Variants in SH3RF1 observed in about 807,000 individuals in gnomAD.
The protein encoded by SH3RF1 is SH3 domain containing ring finger 1.
Under a neutral mutation model 74.0 loss-of-function variants are expected in SH3RF1, and 32 were observed. The ratio of observed to expected loss-of-function variants is 0.43; its 90% CI spans 0.33 to 0.58. The LOEUF is 0.58. Ranked by LOEUF, SH3RF1 falls within the 20% of genes least tolerant of loss-of-function variation. The pLI is 0.05. For missense variants in SH3RF1, 954 were observed against 1,130.9 expected (o/e 0.84, Z 2.24); for synonymous variants, 396 against 439.6 (o/e 0.90, Z 1.24).
At chr4:169,231,366 G>A (rs1378357362) in intron 2 of SH3RF1, among the ~76,000 whole-genome samples, 3 of 152,144 alleles carry the variant, frequency 2.0e-5, no homozygotes, top group Admixed American at 2.0e-4. Context: ...AGGAGTTCGA[G>A]ACCAGCCTGA....
intron 2 of SH3RF1, among the ~76,000 whole-genome samples, chr4:169,262,965 T>G (rs1731302922): frequency 6.6e-6 from 1 of 152,082 alleles, no homozygotes; most frequent in African/African-American, 2.4e-5. Context: ...AGGTCAAGCA[T>G]GCAACAAACA....
At chr4:169,174,544 A>G (rs1406309246) in intron 2 of SH3RF1, among the ~76,000 whole-genome samples, 1 of 152,246 alleles carries the variant, frequency 6.6e-6, no homozygotes, top group Admixed American at 6.5e-5. Context: ...TCCAGTATCA[A>G]TCTCCTTCCC....
At chr4:169,166,133 T>C (rs553021024) in intron 2 of SH3RF1, 1 of 151,528 alleles carries the variant, frequency 6.6e-6, no homozygotes, top group East Asian at 1.9e-4. Context: ...AAAAGACACA[T>C]GAAGAAAATA....
intron 2 of SH3RF1, among the ~76,000 whole-genome samples, chr4:169,240,658 T>C (rs1348856073): frequency 2.6e-5 from 4 of 152,240 alleles, no homozygotes; most frequent in African/African-American, 9.6e-5. Flanking sequence ...TGTGAAATTA[T>C]ATCAAGTTCA....
At chr4:169,181,876 T>G (rs79695222) in intron 2 of SH3RF1, among the ~76,000 whole-genome samples, 4,597 of 152,330 alleles carry the variant, frequency 0.03, 103 homozygotes, top group Non-Finnish European at 0.043. Context: ...TCCTGCTTTA[T>G]TTCTCTTCAT....
At chr4:169,158,288 C>A (rs1309616004) in intron 2 of SH3RF1, among the ~76,000 whole-genome samples, 1 of 152,112 alleles carries the variant, frequency 6.6e-6, no homozygotes, top group African/African-American at 2.4e-5. Context: ...AATTAGTTGT[C>A]AAGGTTGGAG....
intron 2 of SH3RF1, among the ~76,000 whole-genome samples, chr4:169,258,354 G>C (rs925756115): frequency 6.6e-6 from 1 of 152,174 alleles, no homozygotes; most frequent in Non-Finnish European, 1.5e-5. Context: ...GTCACACTTT[G>C]GGGCCTTTAA....
At chr4:169,130,635 T>C (rs1733603668) in intron 5 of SH3RF1, among the ~76,000 whole-genome samples, 3 of 152,250 alleles carry the variant, frequency 2.0e-5, no homozygotes, top group Admixed American at 6.5e-5. Context: ...TCATGACTTC[T>C]ACCTTTCGGT....
At chr4:169,161,275 ATTTTG>A (rs1055407225) in intron 2 of SH3RF1, among the ~76,000 whole-genome samples, 1 of 152,244 alleles carries the variant, frequency 6.6e-6, no homozygotes, top group African/African-American at 2.4e-5. Flanking sequence ...ATCTAAAAAC[ATTTTG>A]ATAAACATCT....
At chr4:169,113,807 A>T (rs1299341072) in intron 10 of SH3RF1, among the ~76,000 whole-genome samples, 2 of 152,254 alleles carry the variant, frequency 1.3e-5, no homozygotes, top group Non-Finnish European at 2.9e-5. Flanking sequence ...AATAAGGGAA[A>T]ATTTGAAATC....
chr4:169,174,750 G>A (rs572850363), intron 2 of SH3RF1, among the ~76,000 whole-genome samples: 1 of 151,984 alleles, frequency 6.6e-6, no homozygotes, highest in East Asian at 1.9e-4. Context: ...GTTTTCTAAA[G>A]CCCCACCCCA....
At chr4:169,105,738 T>C (rs1182651794) in intron 11 of SH3RF1, among the ~76,000 whole-genome samples, 1 of 152,118 alleles carries the variant, frequency 6.6e-6, no homozygotes, top group African/African-American at 2.4e-5. Flanking sequence ...ACAAAAAAAT[T>C]AGCTGGGAAT....
At chr4:169,224,331 T>G (rs1003744649) in intron 2 of SH3RF1, among the ~76,000 whole-genome samples, 17 of 152,016 alleles carry the variant, frequency 1.1e-4, no homozygotes, top group Non-Finnish European at 2.2e-4. Flanking sequence ...ATTTTTTTTT[T>G]TTTTGAAATG....
chr4:169,225,889 A>AGAGACAT (rs973425200), intron 2 of SH3RF1, among the ~76,000 whole-genome samples: 2 of 152,214 alleles, frequency 1.3e-5, no homozygotes, highest in African/African-American at 4.8e-5. Context: ...AGAGATGAGC[A>AGAGACAT]GAGACATGTT....
At chr4:169,138,874 A>G (rs775294638) in intron 4 of SH3RF1, among the ~76,000 whole-genome samples, 2 of 152,204 alleles carry the variant, frequency 1.3e-5, no homozygotes. Flanking sequence ...CTTTCTCAAC[A>G]GAACAATACT....
chr4:169,247,903 C>T (rs1731030508), intron 2 of SH3RF1, among the ~76,000 whole-genome samples: 1 of 152,196 alleles, frequency 6.6e-6, no homozygotes, highest in African/African-American at 2.4e-5. Flanking sequence ...CACATCATCA[C>T]TGATCATTAG....
intron 4 of SH3RF1, among the ~76,000 whole-genome samples, chr4:169,151,021 T>C (rs1210802194): frequency 6.6e-6 from 1 of 152,158 alleles, no homozygotes; most frequent in African/African-American, 2.4e-5. Flanking sequence ...GATATACACA[T>C]AGGCAGTGAA....
rs879873426 is a variant in SH3RF1, at chr4:169,096,254, TAAAA to T, written c.*261_*264del. On this transcript the variant is annotated 3_prime_UTR_variant, in exon 12 of 12. Coordinates refer to ENST00000284637, the MANE Select transcript of SH3RF1 (RefSeq NM_020870.4). The stretch of plus-strand genomic sequence containing the variant: ...AATTGTCCATTTTAGTCATATATCT[TAAAA>T]AAAAAAAAAAGTTTCTCTGTGTAGT... 1.0e-5 allele frequency: 3 copies of T among 288,742 alleles called. No homozygotes were observed. Among genetic ancestry groups the T allele is most frequent in the Non-Finnish European group, 1.9e-5 (3 of 160,068 alleles). The allele number at this position is 288,742 out of a possible 1,614,324, so 17.9% of individuals were successfully genotyped here. A position where few individuals can be genotyped will look rare whatever the true frequency, so the allele number is the denominator to read the frequency against.
rs759409610 is a variant in SH3RF1, at chr4:169,156,495, G to T, written c.578C>A (p.Pro193Gln). The T allele has an allele frequency of 2.0e-5, 33 of 1,613,824 alleles. No homozygotes were observed. Among genetic ancestry groups the T allele is most frequent in the Non-Finnish European group, 2.6e-5 (31 of 1,179,930 alleles). Residue 193 changes from proline to glutamine, a missense_variant, in exon 3 of 12, where the codon CCG becomes CAG. Transcript: ENST00000284637. ...GCACTGAGGTGGGGGCTGAGGTAAC[G>T]GTTTAATAATCTGCACAAAGTTGGT... Reference protein sequence around the residue: ...FPTNFVQIIKPLPQPPPQCKA... With the variant: ...FPTNFVQIIKQLPQPPPQCKA...
Sources: gnomAD v4.1 joint callset for allele counts (sites outside exome capture counted in the v4.1 genomes callset) on GRCh38, gnomAD v4.1.1 for gene constraint, MANE v1.5 for transcripts, NCBI Gene and HGNC (gene_info 2026-07-23, HGNC 2026-07-21) for gene names.